The following MAST4 variants were observed in gnomAD, a reference collection of about 807,000 sequenced individuals.
MAST4 encodes the protein microtubule associated serine/threonine kinase family member 4, also known as microtubule-associated serine/threonine-protein kinase 4.
Under a neutral mutation model 162.7 loss-of-function variants are expected in MAST4, and 89 were observed. The observed-to-expected ratio is 0.55, with a 90% CI of 0.46 to 0.65. MAST4 has a LOEUF of 0.65. Ranked by LOEUF, MAST4 falls within the 30% of genes least tolerant of loss-of-function variation. The pLI is 0.00. For synonymous variants in MAST4, 1,479 were observed against 1,361.1 expected, an observed-to-expected ratio of 1.09 and a Z score of -1.91; for missense variants, 3,153 against 3,374.0, an observed-to-expected ratio of 0.93 and a Z score of 1.62.
intron 4 of MAST4, among the ~76,000 whole-genome samples, chr5:66,981,010 T>C (rs896513343): frequency 6.6e-6 from 1 of 152,094 alleles, no homozygotes; most frequent in Non-Finnish European, 1.5e-5. Context: ...ATAAAGACTA[T>C]GCTAAAGAAA....
Position 66,736,534 on chromosome 5 carries a change from T to C in MAST4, c.364-23175T>C, listed in dbSNP as rs74770729. On this transcript the variant is annotated intron_variant, in intron 1 of 28. Transcript: ENST00000403625. Reference sequence around the variant, plus strand: ...AGCAACAATGATTCAGCTGCTAAAGTTGGCAATGGGTCAGTGTCAGGGAAA... The same window carrying C: ...AGCAACAATGATTCAGCTGCTAAAGCTGGCAATGGGTCAGTGTCAGGGAAA... Among the ~76,000 whole-genome samples the C allele has an allele frequency of 6.9e-3, 1,048 of 152,276 alleles. 15 individuals carry two copies. The highest frequency in any genetic ancestry group is 0.024 in the African/African-American group (1,006 of 41,544).
At position 66,944,817 on chromosome 5, in the gene MAST4, G is replaced by A. The variant is rs1473464817; in HGVS notation, c.674+44835G>A. Among the ~76,000 whole-genome samples the A allele has an allele frequency of 3.3e-5, 5 of 152,258 alleles. No individual in the cohort carries two copies. The East Asian group carries it at 9.7e-4, about 29-fold the overall frequency. On this transcript the variant is annotated intron_variant, in intron 4 of 28. Coordinates refer to ENST00000403625, the MANE Select transcript of MAST4 (RefSeq NM_001164664.2). ...TGGCAGAATTCATTTCCTTGCGAGA[G>A]TAGAAGCGCTTCCATGTTCTTTGGG... is the stretch of plus-strand genomic sequence containing the variant.
intron 1 of MAST4, among the ~76,000 whole-genome samples, chr5:66,626,378 T>C (rs1379773886): frequency 6.6e-6 from 1 of 152,136 alleles, no homozygotes; most frequent in African/African-American, 2.4e-5. Context: ...TCACAATATC[T>C]AAATAGAGCT....
intron 3 of MAST4, among the ~76,000 whole-genome samples, chr5:66,844,526 C>T (rs1758671163): frequency 6.6e-6 from 1 of 152,082 alleles, no homozygotes; most frequent in Non-Finnish European, 1.5e-5. Context: ...TGGGAACATT[C>T]ATTCACTCAC....
chr5:66,900,206 G>A (rs1284430099), intron 4 of MAST4, among the ~76,000 whole-genome samples: 6 of 151,908 alleles, frequency 3.9e-5, no homozygotes, highest in African/African-American at 1.2e-4. Flanking sequence ...TTTATTCCTC[G>A]GAGAATCTTA....
chr5:66,994,313 A>G (rs181776326), intron 4 of MAST4, among the ~76,000 whole-genome samples: 7 of 152,262 alleles, frequency 4.6e-5, no homozygotes, highest in Non-Finnish European at 7.4e-5. Flanking sequence ...TTTTTCAGCC[A>G]CTTTTAAATG....
chr5:67,093,088 A>G (rs1764042572), intron 6 of MAST4, among the ~76,000 whole-genome samples: 1 of 152,188 alleles, frequency 6.6e-6, no homozygotes, highest in Non-Finnish European at 1.5e-5. Context: ...AGCCAGGTTG[A>G]TACTGGAACT....
At chr5:67,044,438 A>G (rs1235280901) in intron 4 of MAST4, among the ~76,000 whole-genome samples, 1 of 152,126 alleles carries the variant, frequency 6.6e-6, no homozygotes, top group East Asian at 1.9e-4. Flanking sequence ...CCCTTCTCAC[A>G]TTAATTACTT....
At chr5:67,081,072 T>A (rs1349776230) in intron 5 of MAST4, among the ~76,000 whole-genome samples, 2 of 75,724 alleles carry the variant, frequency 2.6e-5, no homozygotes, top group Non-Finnish European at 4.6e-5. Context: ...ATATAATATA[T>A]AATTGTATAT....
At chr5:67,052,448 C>A (rs1470352907) in intron 4 of MAST4, among the ~76,000 whole-genome samples, 1 of 151,668 alleles carries the variant, frequency 6.6e-6, no homozygotes, top group African/African-American at 2.4e-5. Flanking sequence ...GTTTGTTGTT[C>A]ATGTTTTCAT....
At chr5:66,864,558 A>G (rs983570623) in intron 3 of MAST4, among the ~76,000 whole-genome samples, 4 of 152,196 alleles carry the variant, frequency 2.6e-5, no homozygotes, top group Non-Finnish European at 4.4e-5. Context: ...CCTTGGTAGA[A>G]TACAGAGAGC....
intron 4 of MAST4, among the ~76,000 whole-genome samples, chr5:66,975,297 AC>A (rs1747996355): frequency 6.6e-6 from 1 of 152,226 alleles, no homozygotes; most frequent in South Asian, 2.1e-4. Context: ...GTCATTTGTT[AC>A]AGCTGCTGCA....
chr5:67,095,603 T>C lies in MAST4; in HGVS notation c.840T>C (p.Asp280=), dbSNP rs1267935721. The C allele has an allele frequency of 4.4e-6, 7 of 1,608,400 alleles. No individual in the cohort carries two copies. In the Admixed American group the frequency reaches 8.4e-5, roughly 19 times the overall value. The change falls in exon 7 of 29, where the codon GAT becomes GAC. Residue 280 remains aspartate, a synonymous_variant. Transcript: ENST00000403625. The part of the protein sequence containing the change: ...SAHFSFARRT[D]GRRWSLASLP... ...AAACTCACTTTCTCAATAGGACTGATGGACGCCGCTGGTCGTTGGCTTCTC... is the reference window on the plus strand; with the variant it reads ...AAACTCACTTTCTCAATAGGACTGACGGACGCCGCTGGTCGTTGGCTTCTC...
At chr5:66,783,649 T>G (rs1009976279) in intron 2 of MAST4, among the ~76,000 whole-genome samples, 2 of 152,152 alleles carry the variant, frequency 1.3e-5, no homozygotes, top group African/African-American at 4.8e-5. Flanking sequence ...TTTGGTCTTG[T>G]TACCAAGATT....
At chr5:66,901,089 T>C (rs1181200270) in intron 4 of MAST4, among the ~76,000 whole-genome samples, 1 of 152,160 alleles carries the variant, frequency 6.6e-6, no homozygotes, top group Non-Finnish European at 1.5e-5. Flanking sequence ...TAGGACTCTG[T>C]TGCCGAAACT....
At chr5:67,039,340 A>G (rs904268801) in intron 4 of MAST4, among the ~76,000 whole-genome samples, 2 of 152,214 alleles carry the variant, frequency 1.3e-5, no homozygotes, top group Non-Finnish European at 2.9e-5. Flanking sequence ...CCATCTGTCT[A>G]TACCATTGAA....
In MAST4 at chr5:67,078,916, ATATATATATAT is replaced by A. The variant is rs1762185240; in HGVS notation, c.764-11245_764-11235del. ...TATTTATATATTTTTATATAAATATATATATATATATATATATATATATATATATATATATG... is the reference window on the plus strand; with the variant it reads ...TATTTATATATTTTTATATAAATATAATATATATATATATATATATATATG... On this transcript the variant is annotated intron_variant, in intron 5 of 28. Transcript: ENST00000403625. Among the ~76,000 whole-genome samples, 107 of 65,684 alleles carry A rather than the reference ATATATATATAT, an allele frequency of 1.6e-3. 5 individuals are homozygous for A. The highest frequency in any genetic ancestry group is 7.6e-3 in the Middle Eastern group (1 of 132). The allele number at this position is 65,684 out of a possible 152,430, so 43.1% of individuals were successfully genotyped here.
At chr5:66,827,061 G>T (rs1164917491) in intron 3 of MAST4, among the ~76,000 whole-genome samples, 2 of 152,216 alleles carry the variant, frequency 1.3e-5, no homozygotes, top group African/African-American at 4.8e-5. Context: ...TTCTCCACCA[G>T]CATTACAGAT....
rs377668879 is a variant in MAST4, at chr5:66,718,256, TG to T, written c.364-41452del. The stretch of plus-strand genomic sequence containing the variant: ...ACTCTATTTGAAGGTTTTTTTTGTT[TG>T]TTTTTTTGTTTTTTTGTTTTCAAAG... On this transcript the variant is annotated intron_variant, in intron 1 of 28. Transcript: ENST00000403625. Among the ~76,000 whole-genome samples, 344 of 151,822 alleles carry T rather than the reference TG, an allele frequency of 2.3e-3. 1 individual carries two copies. Among genetic ancestry groups the T allele is most frequent in the African/African-American group, 7.2e-3 (299 of 41,290 alleles).
Sources: allele counts gnomAD v4.1 joint callset (sites outside exome capture counted in the v4.1 genomes callset), GRCh38; gene constraint gnomAD v4.1.1; transcripts MANE v1.5; gene names NCBI Gene and HGNC (gene_info 2026-07-23, HGNC 2026-07-21).